Variants in WDR49 observed in about 807,000 individuals in gnomAD.
The protein encoded by WDR49 is cilia- and flagella-associated protein 337.
In WDR49, 107 loss-of-function variants were observed where a neutral mutation model predicts 119.5. The ratio of observed to expected loss-of-function variants is 0.90; its 90% CI spans 0.77 to 1.05. The LOEUF (loss-of-function observed/expected upper bound fraction) is 1.05. WDR49 is among the 50% of genes least tolerant of loss of function. WDR49 has a pLI of 0.00. For synonymous variants in WDR49, 425 were observed against 418.8 expected (o/e 1.01, Z -0.18); for missense variants, 1,240 against 1,220.5 (o/e 1.02, Z -0.24).
intron 15 of WDR49, among the ~76,000 whole-genome samples, chr3:167,525,121 T>C (rs150129245): frequency 0.03 from 4,634 of 152,136 alleles, 218 homozygotes; most frequent in African/African-American, 0.11. Flanking sequence ...AGGTCCTTCA[T>C]GTCCCTTGTA....
chr3:167,542,647 G>A (rs1711915975), intron 10 of WDR49, among the ~76,000 whole-genome samples: 1 of 151,970 alleles, frequency 6.6e-6, no homozygotes, highest in South Asian at 2.1e-4. Flanking sequence ...TGGTGCTAGG[G>A]TAGAAAGTTC....
chr3:167,540,197 G>T (rs1204781908), intron 10 of WDR49, among the ~76,000 whole-genome samples: 1 of 152,154 alleles, frequency 6.6e-6, no homozygotes, highest in African/African-American at 2.4e-5. Flanking sequence ...TCCTGAGTCT[G>T]TCCATGTGAC....
At chr3:167,593,338 T>G (rs1246993555) in intron 7 of WDR49, among the ~76,000 whole-genome samples, 2 of 151,894 alleles carry the variant, frequency 1.3e-5, no homozygotes, top group Admixed American at 6.6e-5. Flanking sequence ...CTAAATATCC[T>G]GTCTTCAAGC....
chr3:167,544,282 A>G lies in WDR49; in HGVS notation c.1824-7282T>C, dbSNP rs186596818. 4.8e-4 allele frequency among the ~76,000 whole-genome samples: 73 copies of G among 152,162 alleles called. 1 individual carries two copies. The highest frequency in any genetic ancestry group is 4.0e-3 in the Admixed American group (61 of 15,256). Reference sequence around the variant, plus strand: ...TTCAAGCAATTCCCATGAAAATACCATCATCATTCTTCACAGAATTAGAAA... The same window carrying G: ...TTCAAGCAATTCCCATGAAAATACCGTCATCATTCTTCACAGAATTAGAAA... On this transcript the variant is annotated intron_variant, in intron 10 of 18. Coordinates refer to ENST00000682715, the MANE Select transcript of WDR49 (RefSeq NM_001366157.1).
intron 2 of WDR49, among the ~76,000 whole-genome samples, chr3:167,635,546 A>G (rs146686359): frequency 6.6e-6 from 1 of 151,892 alleles, no homozygotes; most frequent in African/African-American, 2.4e-5. Flanking sequence ...ATGAGGAAAG[A>G]AATACTTTCT....
At chr3:167,530,769 G>A (rs891177872) in intron 13 of WDR49, among the ~76,000 whole-genome samples, 3 of 151,994 alleles carry the variant, frequency 2.0e-5, no homozygotes, top group Non-Finnish European at 4.4e-5. Context: ...CTTTGACTTC[G>A]GCATACATCT....
At chr3:167,633,694 G>T (rs139166242) in intron 2 of WDR49, among the ~76,000 whole-genome samples, 48 of 152,082 alleles carry the variant, frequency 3.2e-4, no homozygotes, top group African/African-American at 1.1e-3. Context: ...TATCTTTAGG[G>T]ATATACATAC....
intron 8 of WDR49, among the ~76,000 whole-genome samples, chr3:167,570,369 AC>A (rs1274609581): frequency 6.6e-6 from 1 of 152,210 alleles, no homozygotes; most frequent in Admixed American, 6.5e-5. Context: ...ATTCCCAAAT[AC>A]CCTCAATTTC....
At chr3:167,586,169 A>T (rs994810151) in intron 7 of WDR49, among the ~76,000 whole-genome samples, 11 of 152,218 alleles carry the variant, frequency 7.2e-5, no homozygotes, top group Non-Finnish European at 1.3e-4. Flanking sequence ...TCTGCTGACC[A>T]AATCAGGATT....
chr3:167,489,103 T>C (rs988923578), intron 18 of WDR49, among the ~76,000 whole-genome samples: 5 of 152,124 alleles, frequency 3.3e-5, no homozygotes, highest in African/African-American at 1.2e-4. Context: ...TCTTTAACTA[T>C]TTATCTACTT....
intron 10 of WDR49, among the ~76,000 whole-genome samples, chr3:167,540,887 C>T (rs1711775154): frequency 6.6e-6 from 1 of 151,880 alleles, no homozygotes; most frequent in Admixed American, 6.6e-5. Flanking sequence ...ATGAAAGACA[C>T]ACTTAAAGAT....
chr3:167,531,608 ATT>A (rs1317388840), intron 12 of WDR49, among the ~76,000 whole-genome samples: 2 of 152,162 alleles, frequency 1.3e-5, no homozygotes, highest in Non-Finnish European at 2.9e-5. Flanking sequence ...ATACTGTGGC[ATT>A]TTCAACTTAT....
At chr3:167,649,811 G>T (rs1272279136) in intron 2 of WDR49, among the ~76,000 whole-genome samples, 1 of 152,172 alleles carries the variant, frequency 6.6e-6, no homozygotes, top group Non-Finnish European at 1.5e-5. Flanking sequence ...TAAAGCTAAA[G>T]ATTTAGTAGG....
At chr3:167,556,229 T>C (rs534674879) in intron 9 of WDR49, among the ~76,000 whole-genome samples, 2 of 152,228 alleles carry the variant, frequency 1.3e-5, no homozygotes, top group Non-Finnish European at 2.9e-5. Flanking sequence ...GATTTTGGAA[T>C]CTGTTGACAT....
chr3:167,495,666 A>G (rs944812373), intron 18 of WDR49, among the ~76,000 whole-genome samples: 6 of 152,074 alleles, frequency 3.9e-5, no homozygotes, highest in African/African-American at 1.4e-4. Flanking sequence ...TTCAAAATTG[A>G]AAAAAGATGC....
intron 2 of WDR49, among the ~76,000 whole-genome samples, chr3:167,630,584 T>G (rs1717327595): frequency 6.6e-6 from 1 of 152,000 alleles, no homozygotes; most frequent in Non-Finnish European, 1.5e-5. Flanking sequence ...TACCCCATGG[T>G]GAAACTTTAA....
rs951824030 is a variant in WDR49 at position 167,580,194 on chromosome 3, GTTC to G, written c.1276-4046_1276-4044del. On this transcript the variant is annotated intron_variant, in intron 7 of 18. Coordinates refer to ENST00000682715, the MANE Select transcript of WDR49 (RefSeq NM_001366157.1). Reference sequence around the variant, plus strand: ...TTAATTTTTTAAATTAATGTTTACTGTTCTTCTTCTTCTAGGCAACCCTAAACT... The same window carrying G: ...TTAATTTTTTAAATTAATGTTTACTGTTCTTCTTCTAGGCAACCCTAAACT... Among the ~76,000 whole-genome samples, 54 of 152,006 alleles carry G rather than the reference GTTC, an allele frequency of 3.6e-4. 1 individual carries two copies. Among genetic ancestry groups the G allele is most frequent in the African/African-American group, 1.1e-3 (46 of 41,378 alleles).
intron 16 of WDR49, among the ~76,000 whole-genome samples, chr3:167,517,904 T>G (rs999124987): frequency 4.0e-5 from 6 of 151,004 alleles, no homozygotes; most frequent in South Asian, 2.1e-4. Flanking sequence ...CCCACAACAG[T>G]CCCCAGAGTG....
chr3:167,532,705 T>C (rs1752893198), intron 12 of WDR49, among the ~76,000 whole-genome samples, 174 bp downstream of exon 12: 1 of 152,156 alleles, frequency 6.6e-6, no homozygotes. Flanking sequence ...CTAAGCCAAG[T>C]AAATCTCAAG....
Sources: gnomAD v4.1 joint callset for allele counts (sites outside exome capture counted in the v4.1 genomes callset) on GRCh38, gnomAD v4.1.1 for gene constraint, MANE v1.5 for transcripts, NCBI Gene and HGNC (gene_info 2026-07-23, HGNC 2026-07-21) for gene names.